FAP: variants seen among roughly 807,000 people sequenced by gnomAD.
FAP encodes fibroblast activation protein alpha.
Under a neutral mutation model 126.5 loss-of-function variants are expected in FAP, and 110 were observed. That is an observed-to-expected ratio of 0.87 (90% confidence interval 0.74 to 1.02). The LOEUF is 1.02. Ranked by LOEUF, FAP falls within the 50% of genes least tolerant of loss-of-function variation. FAP has a pLI of 0.00. For synonymous variants in FAP, 334 were observed against 297.3 expected, an observed-to-expected ratio of 1.12 and a Z score of -1.27; for missense variants, 919 against 909.2, an observed-to-expected ratio of 1.01 and a Z score of -0.14.
intron 18 of FAP, 137 bp from the exon 19 acceptor site, chr2:162,189,309 TAA>T (rs1687960785): frequency 4.1e-6 from 2 of 492,284 alleles, no homozygotes; most frequent in South Asian, 1.0e-4. Flanking sequence ...TATTTAAAAG[TAA>T]CTTTTATTAA....
intron 2 of FAP, among the ~76,000 whole-genome samples, chr2:162,235,723 C>T (rs1403424689): frequency 6.6e-6 from 1 of 152,204 alleles, no homozygotes; most frequent in African/African-American, 2.4e-5. Context: ...CCAGCAGTGG[C>T]ACTCTGCTGG....
chr2:162,227,369 C>A (rs139676427), intron 2 of FAP, among the ~76,000 whole-genome samples: 1 of 152,166 alleles, frequency 6.6e-6, no homozygotes, highest in African/African-American at 2.4e-5. Context: ...ACTTCAAAAC[C>A]ATTGTGTTTT....
chr2:162,184,758 G>A (rs1174462996), intron 20 of FAP, among the ~76,000 whole-genome samples: 1 of 151,278 alleles, frequency 6.6e-6, no homozygotes, highest in Non-Finnish European at 1.5e-5. Context: ...AGAAGAGAAG[G>A]TTCACTTTCT....
intron 17 of FAP, among the ~76,000 whole-genome samples, chr2:162,190,012 G>A (rs1372024130): frequency 6.6e-6 from 1 of 151,858 alleles, no homozygotes; most frequent in Non-Finnish European, 1.5e-5. Flanking sequence ...AAAAATCACA[G>A]GAGCAACAAT....
At chr2:162,214,451 G>A (rs1345359425) in intron 10 of FAP, among the ~76,000 whole-genome samples, 1 of 152,010 alleles carries the variant, frequency 6.6e-6, no homozygotes, top group Non-Finnish European at 1.5e-5. Flanking sequence ...TTAGTTGAGA[G>A]AGAGACAAGT....
At chr2:162,220,137 CT>C (rs1245397056) in intron 6 of FAP, among the ~76,000 whole-genome samples, 1 of 152,166 alleles carries the variant, frequency 6.6e-6, no homozygotes, top group African/African-American at 2.4e-5. Context: ...AGTCACTTAA[CT>C]TTACTGGGTG....
At chr2:162,197,752 T>C (rs1046821353) in intron 16 of FAP, 2 of 406,692 alleles carry the variant, frequency 4.9e-6, no homozygotes, top group Non-Finnish European at 9.8e-6. Context: ...TGAATAGGGA[T>C]ATCAAGCAGT....
In FAP at chr2:162,188,119, G is replaced by A. The variant is rs764274693; in HGVS notation, c.1814+50C>T. On this transcript the variant is annotated intron_variant, in intron 20 of 25. Coordinates refer to ENST00000188790, the MANE Select transcript of FAP (RefSeq NM_004460.5). The stretch of plus-strand genomic sequence containing the variant: ...AGAATGGAGAAACACAATAGTGATT[G>A]CATGACTTTTGTTGCATGTTGACAT... 10 of 1,403,380 alleles carry A rather than the reference G, an allele frequency of 7.1e-6. No individual in the cohort carries two copies. In the South Asian group the frequency reaches 1.2e-4, roughly 17 times the overall value. The allele number at this position is 1,403,380 out of a possible 1,614,324, so 86.9% of individuals were successfully genotyped here.
chr2:162,216,094 G>T, intron 9 of FAP, 93 bp from the exon 10 acceptor site: 2 of 883,350 alleles, frequency 2.3e-6, no homozygotes, highest in Non-Finnish European at 3.6e-6. Flanking sequence ...ATTTTTCTAA[G>T]CGAACAATCT....
chr2:162,242,614 T>C (rs1690398241), intron 2 of FAP, among the ~76,000 whole-genome samples: 1 of 152,176 alleles, frequency 6.6e-6, no homozygotes, highest in East Asian at 1.9e-4. Context: ...TAAAGGCCTG[T>C]CAAAGCTTGT....
chr2:162,193,224 T>G (rs2106232522), intron 17 of FAP, among the ~76,000 whole-genome samples: 1 of 152,280 alleles, frequency 6.6e-6, no homozygotes, highest in Non-Finnish European at 1.5e-5. Flanking sequence ...AATACAAATT[T>G]CCAAGCATAA....
intron 23 of FAP, 81 bp downstream of exon 23, chr2:162,173,642 T>C: frequency 1.0e-5 from 10 of 971,152 alleles, no homozygotes; most frequent in Non-Finnish European, 1.6e-5. Flanking sequence ...GAATTAAAAC[T>C]GTAAATTCTG....
intron 11 of FAP, among the ~76,000 whole-genome samples, chr2:162,210,572 A>G (rs1386944080): frequency 6.6e-6 from 1 of 152,162 alleles, no homozygotes; most frequent in Admixed American, 6.5e-5. Flanking sequence ...GTGGAGAGTG[A>G]CTACAGGAAA....
chr2:162,199,230 A>G (rs1559773019), intron 15 of FAP, among the ~76,000 whole-genome samples: 4 of 152,214 alleles, frequency 2.6e-5, no homozygotes, highest in South Asian at 4.1e-4. Context: ...TCGTCTTTCT[A>G]TCTCTCTGTT....
At chr2:162,192,894 C>A (rs902021622) in intron 17 of FAP, among the ~76,000 whole-genome samples, 2 of 152,144 alleles carry the variant, frequency 1.3e-5, no homozygotes, top group African/African-American at 2.4e-5. Context: ...CCTAACCCCC[C>A]AAACCCAGAT....
At chr2:162,211,938 G>A (rs1021480670) in intron 11 of FAP, among the ~76,000 whole-genome samples, 1 of 152,148 alleles carries the variant, frequency 6.6e-6, no homozygotes, top group African/African-American at 2.4e-5. Flanking sequence ...CATCAGTCAT[G>A]AGGATGGTTT....
At chr2:162,234,670 A>AAG (rs1183403220) in intron 2 of FAP, among the ~76,000 whole-genome samples, 1 of 152,142 alleles carries the variant, frequency 6.6e-6, no homozygotes, top group African/African-American at 2.4e-5. Flanking sequence ...TAGCAGGAAA[A>AAG]CAGTGTTGAG....
rs778078183 is a variant in FAP at position 162,218,119 on chromosome 2, T to C, written c.629A>G (p.Tyr210Cys). ...TCCATTAGGAGACCACCAGAGAGCA[T>C]ATTTTGTAGCAAGCATTTCCTCTGA... ...VYEEEMLATK[Y>C]ALWWSPNGKF... Residue 210 changes from tyrosine to cysteine, a missense_variant, in exon 9 of 26, where the codon TAT becomes TGT. Coordinates refer to ENST00000188790, the MANE Select transcript of FAP (RefSeq NM_004460.5). 1.0e-5 allele frequency: 16 copies of C among 1,604,736 alleles called. No homozygotes were observed. Among genetic ancestry groups the C allele is most frequent in the South Asian group, 9.0e-5 (8 of 89,132 alleles).
intron 2 of FAP, among the ~76,000 whole-genome samples, chr2:162,242,629 A>G (rs1329624142): frequency 6.6e-6 from 1 of 152,136 alleles, no homozygotes; most frequent in Non-Finnish European, 1.5e-5. Context: ...GCTTGTATTT[A>G]GCATATATTT....
Sources: gnomAD v4.1 joint callset for allele counts (sites outside exome capture counted in the v4.1 genomes callset) on GRCh38, gnomAD v4.1.1 for gene constraint, MANE v1.5 for transcripts, NCBI Gene and HGNC (gene_info 2026-07-23, HGNC 2026-07-21) for gene names.